Variants in NRDE2 observed in about 807,000 individuals in gnomAD.
NRDE2 encodes NRDE-2, necessary for RNA interference, domain containing.
In NRDE2, 76 loss-of-function variants were observed where a neutral mutation model predicts 124.2. The observed-to-expected ratio is 0.61, with a 90% CI of 0.51 to 0.74. NRDE2 has a LOEUF of 0.74. Ranked by LOEUF, NRDE2 falls within the 30% of genes least tolerant of loss-of-function variation. The probability of loss-of-function intolerance (pLI) is 0.00; values close to 1 mark genes in which losing one functional copy is unlikely to be tolerated. For missense variants in NRDE2, 1,314 were observed against 1,417.3 expected, an observed-to-expected ratio of 0.93 and a Z score of 1.17; for synonymous variants, 489 against 528.1, an observed-to-expected ratio of 0.93 and a Z score of 1.01.
intron 1 of NRDE2, among the ~76,000 whole-genome samples, chr14:90,330,828 G>T (rs1885662590): frequency 6.6e-6 from 1 of 151,558 alleles, no homozygotes; most frequent in African/African-American, 2.4e-5. Flanking sequence ...AAAAAAATTA[G>T]GAGAAACGTT....
At chr14:90,311,384 G>A (rs1197658855) in intron 4 of NRDE2, among the ~76,000 whole-genome samples, 1 of 152,090 alleles carries the variant, frequency 6.6e-6, no homozygotes, top group Non-Finnish European at 1.5e-5. Context: ...TAATCCCCAC[G>A]TGTTGTGGGA....
In NRDE2 at chr14:90,290,375, C is replaced by A; in HGVS notation, c.2075G>T (p.Arg692Leu). Residue 692 changes from arginine to leucine, a missense_variant, in exon 10 of 14, where the codon CGC (arginine) becomes CTC (leucine). Physicochemically the swap from Arg to Leu is moderately radical, Grantham distance 102. Coordinates refer to ENST00000354366, the MANE Select transcript of NRDE2 (RefSeq NM_017970.4). Reference protein sequence around the residue: ...PLFSGASCVGRMDRLGYPRWT... With the variant: ...PLFSGASCVGLMDRLGYPRWT... Reference sequence around the variant, plus strand: ...GCGAGGATAGCCCAACCTATCCATGCGGCCAACACAGCTAGCCCCAGAAAA... The same window carrying A: ...GCGAGGATAGCCCAACCTATCCATGAGGCCAACACAGCTAGCCCCAGAAAA... 6.2e-7 allele frequency: 1 copy of A among 1,614,074 alleles called. No homozygotes were observed. Among genetic ancestry groups the A allele is most frequent in the Non-Finnish European group, 8.5e-7 (1 of 1,180,028 alleles).
intron 12 of NRDE2, among the ~76,000 whole-genome samples, chr14:90,284,041 C>A (rs1433453526): frequency 6.6e-6 from 1 of 152,042 alleles, no homozygotes; most frequent in Non-Finnish European, 1.5e-5. Flanking sequence ...CCAACTTCTG[C>A]CCCCAAGAAT....
intron 7 of NRDE2, among the ~76,000 whole-genome samples, chr14:90,299,513 T>C (rs555286940): frequency 1.3e-5 from 2 of 152,304 alleles, no homozygotes; most frequent in African/African-American, 4.8e-5. Flanking sequence ...GAAACAGGAC[T>C]GTGAAAGTGA....
At chr14:90,328,015 C>T (rs1012830111) in intron 1 of NRDE2, among the ~76,000 whole-genome samples, 19 of 151,872 alleles carry the variant, frequency 1.3e-4, no homozygotes, top group African/African-American at 4.4e-4. Flanking sequence ...TGGTGGCAAG[C>T]GCCTGTAGTC....
intron 1 of NRDE2, among the ~76,000 whole-genome samples, chr14:90,324,853 G>C (rs1885363114): frequency 6.6e-6 from 1 of 152,104 alleles, no homozygotes; most frequent in Non-Finnish European, 1.5e-5. Context: ...GTTAGTATTT[G>C]TAAGGCATTT....
intron 12 of NRDE2, among the ~76,000 whole-genome samples, chr14:90,283,717 T>G (rs1393686659): frequency 1.3e-5 from 2 of 151,580 alleles, no homozygotes; most frequent in East Asian, 1.9e-4. Flanking sequence ...TTTTTTGTTT[T>G]TTTTTTTTTT....
chr14:90,297,763 C>T (rs1302017734), intron 8 of NRDE2, among the ~76,000 whole-genome samples: 4 of 151,710 alleles, frequency 2.6e-5, no homozygotes, highest in African/African-American at 9.7e-5. Flanking sequence ...GCCAACATGG[C>T]GACCCTATCT....
Position 90,288,488 on chromosome 14 carries a change from G to C in NRDE2, c.2887C>G (p.Leu963Val). The change falls in exon 11 of 14, where the codon CTG becomes GTG. Residue 963 changes from leucine to valine, a missense_variant. Coordinates refer to ENST00000354366, the MANE Select transcript of NRDE2 (RefSeq NM_017970.4). ...SWTSVLEAIT[L>V]MHTSLLRFHM... ...AATCTCAGCAGGCTCGTGTGCATCA[G>C]TGTGATGGCTTCGAGAACACTGGTC... 6.2e-7 allele frequency: 1 copy of C among 1,614,200 alleles called. No individual in the cohort carries two copies. The highest frequency in any genetic ancestry group is 8.5e-7 in the Non-Finnish European group (1 of 1,180,044).
chr14:90,269,899 G>A lies in NRDE2; in HGVS notation c.*8437C>T, dbSNP rs1212799452. On this transcript the variant is annotated 3_prime_UTR_variant, in exon 14 of 14. Transcript: ENST00000354366. ...CATCAGAAGAAACAGTGATTTGTTT[G>A]CTGTCTTTTGTAATGTTTTTAACAC... is the stretch of plus-strand genomic sequence containing the variant. The A allele has an allele frequency of 7.9e-6, 3 of 378,970 alleles. No individual in the cohort carries two copies. The highest frequency in any genetic ancestry group is 4.2e-5 in the Admixed American group (1 of 23,712). 23.5% of individuals were successfully genotyped at this position (378,970 alleles called of 1,614,324 possible).
At position 90,268,191 on chromosome 14, in the gene NRDE2, CTT is replaced by C. The variant is rs34247505; in HGVS notation, c.*10143_*10144del. On this transcript the variant is annotated 3_prime_UTR_variant, in exon 14 of 14. Coordinates refer to ENST00000354366, the MANE Select transcript of NRDE2 (RefSeq NM_017970.4). ...TAAGTTAAAATGGCACTTAAGGTGT[CTT>C]TTTTTTTTTTATCTTTTTCATCCAA... 1.7e-4 allele frequency: 218 copies of C among 1,300,784 alleles called. No individual in the cohort carries two copies. The highest frequency in any genetic ancestry group is 1.1e-3 in the East Asian group (44 of 38,656). 80.6% of individuals were successfully genotyped at this position (1,300,784 alleles called of 1,614,324 possible). A position where few individuals can be genotyped will look rare whatever the true frequency, so the allele number is the denominator to read the frequency against.
rs60505372 is a variant in NRDE2, at chr14:90,273,385, C to CCATCAT, written c.*4950_*4951insATGATG. On this transcript the variant is annotated 3_prime_UTR_variant, in exon 14 of 14. Coordinates refer to ENST00000354366, the MANE Select transcript of NRDE2 (RefSeq NM_017970.4). ...CCAGCCTGGCCAACATGGTGAAACC[C>CCATCAT]CATCTTTACTAAAAATACAAAAATT... 1 of 151,658 alleles carries CCATCAT rather than the reference C, an allele frequency of 6.6e-6. No individual in the cohort carries two copies. Among genetic ancestry groups the CCATCAT allele is most frequent in the Non-Finnish European group, 1.5e-5 (1 of 67,888 alleles). The allele number at this position is 151,658 out of a possible 1,614,324, so 9.4% of individuals were successfully genotyped here.
Position 90,312,485 on chromosome 14 carries a change from G to C in NRDE2, c.466C>G (p.Gln156Glu). The C allele has an allele frequency of 6.2e-7, 1 of 1,614,104 alleles. No individual in the cohort carries two copies. The highest frequency in any genetic ancestry group is 8.5e-7 in the Non-Finnish European group (1 of 1,179,966). ...GHRFVWLEDI[Q>E]AVTGETFRTD... ...CTGAAGGTTTCTCCCGTCACAGCCT[G>C]AATGTCCTCAAGCCAAACAAAGCGA... The change falls in exon 4 of 14, where the codon CAG becomes GAG. Residue 156 changes from glutamine (Q) to glutamate (E), a missense_variant. Transcript: ENST00000354366.
Position 90,269,311 on chromosome 14 carries a change from T to C in NRDE2, c.*9025A>G. The C allele has an allele frequency of 8.3e-7, 1 of 1,209,080 alleles. No individual in the cohort carries two copies. Among genetic ancestry groups the C allele is most frequent in the East Asian group, 2.4e-5 (1 of 41,964 alleles). The allele number at this position is 1,209,080 out of a possible 1,614,324, so 74.9% of individuals were successfully genotyped here. ...GAAACAGGAATGTTTGTTAAGGTGT[T>C]TTGTCACAATGAGGTCTTTGCTGTA... On this transcript the variant is annotated 3_prime_UTR_variant, in exon 14 of 14. Coordinates refer to ENST00000354366, the MANE Select transcript of NRDE2 (RefSeq NM_017970.4).
At chr14:90,293,492 C>T (rs959911682) in intron 8 of NRDE2, among the ~76,000 whole-genome samples, 2 of 152,214 alleles carry the variant, frequency 1.3e-5, no homozygotes, top group African/African-American at 4.8e-5. Context: ...TCAGGTGATG[C>T]ACCTGCCTTG....
chr14:90,302,504 A>G (rs1303357852), intron 6 of NRDE2, among the ~76,000 whole-genome samples: 1 of 152,176 alleles, frequency 6.6e-6, no homozygotes, highest in East Asian at 1.9e-4. Flanking sequence ...TTGTCCAGTG[A>G]TATCTTAACT....
intron 5 of NRDE2, 77 bp from the exon 6 acceptor site, chr14:90,303,202 T>C: frequency 7.4e-7 from 1 of 1,355,848 alleles, no homozygotes; most frequent in Non-Finnish European, 1.0e-6. Flanking sequence ...TTACTGATTT[T>C]CTTACCACCC....
At chr14:90,282,820 A>T (rs1891991758) in intron 12 of NRDE2, among the ~76,000 whole-genome samples, 1 of 152,098 alleles carries the variant, frequency 6.6e-6, no homozygotes, top group Non-Finnish European at 1.5e-5. Flanking sequence ...GACATGTGCC[A>T]CTACGCCCGG....
chr14:90,297,211 C>T (rs894493635), intron 8 of NRDE2, among the ~76,000 whole-genome samples: 4 of 151,018 alleles, frequency 2.6e-5, no homozygotes, highest in African/African-American at 9.7e-5. Flanking sequence ...AAAATACACA[C>T]CAGATTTCAA....
Sources: gnomAD v4.1 joint callset for allele counts (sites outside exome capture counted in the v4.1 genomes callset) on GRCh38, gnomAD v4.1.1 for gene constraint, MANE v1.5 for transcripts, NCBI Gene and HGNC (gene_info 2026-07-23, HGNC 2026-07-21) for gene names.